DGKD: variants seen among roughly 807,000 people sequenced by gnomAD.
DGKD encodes the protein DAG kinase delta.
Under a neutral mutation model 154.4 loss-of-function variants are expected in DGKD, and 68 were observed. That is an observed-to-expected ratio of 0.44 (90% CI 0.36 to 0.54). The LOEUF (loss-of-function observed/expected upper bound fraction) is 0.54, where lower values mean the gene tolerates loss of function less well. DGKD is among the 20% of genes least tolerant of loss of function. DGKD has a pLI of 0.00. For missense variants in DGKD, 1,343 were observed against 1,593.6 expected (o/e 0.84, Z 2.68); for synonymous variants, 693 against 638.0 (o/e 1.09, Z -1.30).
Position 233,449,291 on chromosome 2 carries a change from G to C in DGKD, c.1803G>C (p.Gln601His). The change falls in exon 15 of 30, where the codon CAG (glutamine) becomes CAC (histidine). Residue 601 changes from glutamine (Q) to histidine (H), a missense_variant. This residue lies in a region of DGKD where 409 missense variants were observed against 446.0 expected (regional missense o/e 0.92). Coordinates refer to ENST00000264057, the MANE Select transcript of DGKD (RefSeq NM_152879.3). This position sits in a 1 kb window ranked among gnomAD's most constrained non-coding sequence, Gnocchi z 5.3. ...CATCAGCTTGCCCGGCCCGGCCGCA[G>C]ATATTCCGGCCTCGAGAACAGCTCA... ...LVASACPARP[Q>H]IFRPREQLML... 1 of 1,613,358 alleles carries C rather than the reference G, an allele frequency of 6.2e-7. No homozygotes were observed.
chr2:233,361,952 C>T (rs551915516), intron 1 of DGKD, among the ~76,000 whole-genome samples: 30 of 152,222 alleles, frequency 2.0e-4, no homozygotes, highest in Middle Eastern at 3.4e-3. Flanking sequence ...CCCATCACCA[C>T]GCCCAGCTAA....
intron 16 of DGKD, 102 bp from the exon 17 acceptor site, chr2:233,450,816 GCCCT>G: frequency 7.0e-7 from 1 of 1,436,016 alleles, no homozygotes; most frequent in East Asian, 2.3e-5. Flanking sequence ...GTGGTTTGCA[GCCCT>G]CCCTCCTCAG....
Position 233,459,772 on chromosome 2 carries a change from A to G in DGKD, c.2710A>G (p.Ile904Val). ...GTCTGCTCAGTGTCGCACGGTGAAGATCTCCATCCTTGGGGATGAGGGCGT... is the reference window on the plus strand; with the variant it reads ...GTCTGCTCAGTGTCGCACGGTGAAGGTCTCCATCCTTGGGGATGAGGGCGT... ...HRIAQCRTVK[I>V]SILGDEGVPV... The change falls in exon 23 of 30, where the codon ATC becomes GTC. Residue 904 changes from isoleucine (I) to valine (V), a missense_variant. Coordinates refer to ENST00000264057, the MANE Select transcript of DGKD (RefSeq NM_152879.3). The surrounding 1 kb of genome is among the most constrained non-coding windows in gnomAD (Gnocchi z 5.7). The G allele has an allele frequency of 6.2e-7, 1 of 1,613,952 alleles. No individual in the cohort carries two copies. Among genetic ancestry groups the G allele is most frequent in the South Asian group, 1.1e-5 (1 of 91,072 alleles).
chr2:233,387,383 G>A (rs1401085226), intron 1 of DGKD, among the ~76,000 whole-genome samples: 2 of 152,182 alleles, frequency 1.3e-5, no homozygotes, highest in African/African-American at 2.4e-5. Context: ...ATGTAACATA[G>A]TGTGCGAACG....
intron 12 of DGKD, 165 bp from the exon 13 acceptor site, chr2:233,447,922 C>T (rs1458216349): frequency 7.6e-6 from 11 of 1,454,700 alleles, no homozygotes; most frequent in Admixed American, 2.6e-5. Context: ...CCCAGATTAG[C>T]GTTAGAAGTG....
Position 233,445,824 on chromosome 2 carries a change from A to C in DGKD, c.1334+62A>C. 2.0e-6 allele frequency: 3 copies of C among 1,509,918 alleles called. No individual in the cohort carries two copies. Among genetic ancestry groups the C allele is most frequent in the Non-Finnish European group, 2.7e-6 (3 of 1,126,164 alleles). 93.5% of individuals were successfully genotyped at this position (1,509,918 alleles called of 1,614,324 possible). A position where few individuals can be genotyped will look rare whatever the true frequency, so the allele number is the denominator to read the frequency against. On this transcript the variant is annotated intron_variant, in intron 11 of 29. Transcript: ENST00000264057. The surrounding 1 kb of genome is among the most constrained non-coding windows in gnomAD (Gnocchi z 5.5). The stretch of plus-strand genomic sequence containing the variant: ...CTTTGAGAGACAGGTCCCTTTGACC[A>C]GGTGTTCTTAACCTGGGGTCTGTGG...
At chr2:233,365,431 G>A (rs1001351557) in intron 1 of DGKD, among the ~76,000 whole-genome samples, 1 of 150,968 alleles carries the variant, frequency 6.6e-6, no homozygotes, top group African/African-American at 2.4e-5. Context: ...TAGAGATGGA[G>A]GGGGGGTCTC....
At chr2:233,436,157 G>A (rs2062687397) in intron 6 of DGKD, among the ~76,000 whole-genome samples, 159 bp from the exon 7 acceptor site, 1 of 152,234 alleles carries the variant, frequency 6.6e-6, no homozygotes, top group African/African-American at 2.4e-5. Context: ...TGGGTAGATG[G>A]TACTTCACAG....
At chr2:233,390,291 G>A in intron 2 of DGKD, 112 bp from the exon 3 acceptor site, 1 of 668,818 alleles carries the variant, frequency 1.5e-6, no homozygotes, top group Non-Finnish European at 2.5e-6. Flanking sequence ...AGGTACTGGG[G>A]CTTCTGTGGG....
At chr2:233,363,358 A>AG (rs1283783376) in intron 1 of DGKD, among the ~76,000 whole-genome samples, 1 of 152,206 alleles carries the variant, frequency 6.6e-6, no homozygotes, top group African/African-American at 2.4e-5. Flanking sequence ...AATTAAAAAT[A>AG]GAAAAAAGGT....
Position 233,462,650 on chromosome 2 carries a change from A to G in DGKD, c.3101A>G (p.Asn1034Ser), listed in dbSNP as rs201384247. ...TTGCCTGGTTTCTTCTAGGGGCTCA[A>G]CTGCAGCTTCGTCCTGGAAATGGTG... ...YGKPRTTEGLNCSFVLEMVNN... is the reference protein window; with the variant it reads ...YGKPRTTEGLSCSFVLEMVNN... Residue 1034 changes from asparagine to serine, a missense_variant, in exon 26 of 30, where the codon AAC becomes AGC. By Grantham distance (46) the Asn-to-Ser change is conservative. Transcript: ENST00000264057. 1,816 of 1,614,030 alleles carry G rather than the reference A, an allele frequency of 1.1e-3. 49 individuals are homozygous for G. The South Asian group carries it at 0.019, about 17-fold the overall frequency.
In DGKD at chr2:233,396,890, G is replaced by A. The variant is rs116085663; in HGVS notation, c.348+6407G>A. The stretch of plus-strand genomic sequence containing the variant: ...GGAAGGGCCAGGGTGGCTGATGGAG[G>A]CCAGAGCAAGAGGACACCAGAGGGG... On this transcript the variant is annotated intron_variant, in intron 3 of 29. Transcript: ENST00000264057. 2.5e-3 allele frequency among the ~76,000 whole-genome samples: 381 copies of A among 151,848 alleles called. 2 individuals are homozygous for A. Among genetic ancestry groups the A allele is most frequent in the African/African-American group, 8.6e-3 (357 of 41,382 alleles).
intron 3 of DGKD, among the ~76,000 whole-genome samples, chr2:233,422,273 T>G (rs1287938916): frequency 6.6e-6 from 1 of 152,262 alleles, no homozygotes; most frequent in East Asian, 1.9e-4. Flanking sequence ...CTCCTCAGGT[T>G]ACATAGCTCC....
At position 233,449,171 on chromosome 2, in the gene DGKD, C is replaced by T. The variant is rs1559163238; in HGVS notation, c.1683C>T (p.Ser561=). ...KTLDDESQAS[S]SLPNPPPTIA... ...TGGACGATGAGTCCCAGGCCTCGTCCTCTCTGCCCAACCCGCCCCCCACCA... is the reference window on the plus strand; with the variant it reads ...TGGACGATGAGTCCCAGGCCTCGTCTTCTCTGCCCAACCCGCCCCCCACCA... The change falls in exon 15 of 30, where the codon TCC becomes TCT. Residue 561 remains serine, a synonymous_variant. Transcript: ENST00000264057. The surrounding 1 kb of genome is among the most constrained non-coding windows in gnomAD (Gnocchi z 5.3). 3 of 1,613,438 alleles carry T rather than the reference C, an allele frequency of 1.9e-6. No individual in the cohort carries two copies. Among genetic ancestry groups the T allele is most frequent in the African/African-American group, 2.7e-5 (2 of 74,916 alleles).
chr2:233,420,000 G>A (rs745791646), intron 3 of DGKD, among the ~76,000 whole-genome samples: 1 of 152,098 alleles, frequency 6.6e-6, no homozygotes, highest in South Asian at 2.1e-4. Flanking sequence ...TCAGACACTC[G>A]AGCTATTTGG....
chr2:233,364,878 C>T (rs72978374), intron 1 of DGKD, among the ~76,000 whole-genome samples: 16,933 of 151,844 alleles, frequency 0.11, 1,067 homozygotes, highest in African/African-American at 0.16. Context: ...GAAAGAGATA[C>T]GTTTAAAACA....
chr2:233,417,355 G>T (rs1383034253), intron 3 of DGKD, among the ~76,000 whole-genome samples: 5 of 152,136 alleles, frequency 3.3e-5, no homozygotes, highest in Admixed American at 6.5e-5. Context: ...TTTTTAAAAG[G>T]TGCAGTTCTG....
chr2:233,412,403 A>G (rs2061850904), intron 3 of DGKD, among the ~76,000 whole-genome samples: 1 of 152,182 alleles, frequency 6.6e-6, no homozygotes. Flanking sequence ...GAATTTATAA[A>G]CATTTTATAT....
chr2:233,365,157 T>G (rs1203239288), intron 1 of DGKD, among the ~76,000 whole-genome samples: 1 of 152,096 alleles, frequency 6.6e-6, no homozygotes, highest in Non-Finnish European at 1.5e-5. Context: ...TTAACACACC[T>G]GTCTTACATG....
Sources: gnomAD v4.1 joint callset for allele counts (sites outside exome capture counted in the v4.1 genomes callset) on GRCh38, gnomAD v4.1.1 for gene constraint, gnomAD v4.1.1 regional missense constraint, Gnocchi (gnomAD v3.1) non-coding constraint, MANE v1.5 for transcripts, NCBI Gene and HGNC (gene_info 2026-07-23, HGNC 2026-07-21) for gene names.